Variants in CRY1 observed in about 807,000 individuals in gnomAD.
CRY1 encodes cryptochrome circadian regulator 1, also known as cryptochrome-1.
Under a neutral mutation model 76.0 loss-of-function variants are expected in CRY1, and 45 were observed. The ratio of observed to expected loss-of-function variants is 0.59; its 90% CI spans 0.47 to 0.76. The LOEUF (loss-of-function observed/expected upper bound fraction) is 0.76. Ranked by LOEUF, CRY1 falls within the 30% of genes least tolerant of loss-of-function variation. The pLI, the probability that CRY1 is intolerant of heterozygous loss-of-function variation, is 0.00. For missense variants in CRY1, 587 were observed against 716.4 expected, an observed-to-expected ratio of 0.82 and a Z score of 2.06; for synonymous variants, 248 against 244.0, an observed-to-expected ratio of 1.02 and a Z score of -0.15.
chr12:107,073,233 C>A (rs1260755429), intron 1 of CRY1, among the ~76,000 whole-genome samples: 1 of 150,756 alleles, frequency 6.6e-6, no homozygotes, highest in Non-Finnish European at 1.5e-5. Flanking sequence ...TTTTATTTCT[C>A]TCTCTCTCTC....
intron 7 of CRY1, 115 bp downstream of exon 7, chr12:106,999,436 T>C: frequency 1.1e-6 from 1 of 926,730 alleles, no homozygotes; most frequent in East Asian, 2.5e-5. Flanking sequence ...AAATGTTTTA[T>C]CCACTGAAAA....
intron 1 of CRY1, among the ~76,000 whole-genome samples, chr12:107,052,059 A>G (rs1308710622): frequency 1.3e-5 from 2 of 152,198 alleles, no homozygotes; most frequent in African/African-American, 4.8e-5. Context: ...CCTATGATAT[A>G]AATTGTAAAC....
chr12:107,069,584 AAAG>A (rs1394388852), intron 1 of CRY1, among the ~76,000 whole-genome samples: 6 of 41,002 alleles, frequency 1.5e-4, no homozygotes, highest in South Asian at 1.1e-3. Context: ...GTATATATAT[AAAG>A]TATATATATA....
rs145681556 is a variant in CRY1 at position 107,029,656 on chromosome 12, T to C, written c.159-7464A>G. Among the ~76,000 whole-genome samples the C allele has an allele frequency of 8.6e-5, 13 of 151,380 alleles. No individual in the cohort carries two copies. The East Asian group carries it at 2.1e-3, about 25-fold the overall frequency. On this transcript the variant is annotated intron_variant, in intron 1 of 12. Transcript: ENST00000008527. ...TCATTATGACAACTGAAAATTCCTCTACAAAATTTCTAAAATGTGTTTGAA... is the reference window on the plus strand; with the variant it reads ...TCATTATGACAACTGAAAATTCCTCCACAAAATTTCTAAAATGTGTTTGAA...
intron 1 of CRY1, among the ~76,000 whole-genome samples, chr12:107,059,301 G>C (rs1953021476): frequency 2.6e-5 from 4 of 152,196 alleles, no homozygotes; most frequent in African/African-American, 9.7e-5. Flanking sequence ...GCCCAGGCTG[G>C]AGTGCAGTAG....
intron 1 of CRY1, among the ~76,000 whole-genome samples, chr12:107,059,999 G>T (rs1317144660): frequency 6.6e-6 from 1 of 152,176 alleles, no homozygotes; most frequent in Non-Finnish European, 1.5e-5. Context: ...GGTAATCTGA[G>T]ATCAAATTTA....
intron 1 of CRY1, among the ~76,000 whole-genome samples, chr12:107,036,058 T>C (rs764290588): frequency 2.0e-5 from 3 of 152,242 alleles, no homozygotes; most frequent in African/African-American, 7.2e-5. Context: ...CCAGCTATTA[T>C]GACCTTGTGG....
intron 2 of CRY1, among the ~76,000 whole-genome samples, chr12:107,011,917 A>C (rs1952448527): frequency 6.6e-6 from 1 of 152,166 alleles, no homozygotes; most frequent in Admixed American, 6.5e-5. Context: ...CAGGCCAGGC[A>C]CTGTGGCTCA....
At chr12:106,997,238 T>C (rs1952242804) in intron 10 of CRY1, 56 bp downstream of exon 10, 12 of 1,400,630 alleles carry the variant, frequency 8.6e-6, no homozygotes, top group African/African-American at 1.4e-5. Flanking sequence ...ATAACAAATA[T>C]ATTTGTTTAA....
At chr12:107,006,387 A>T (rs532442517) in intron 2 of CRY1, among the ~76,000 whole-genome samples, 2 of 151,934 alleles carry the variant, frequency 1.3e-5, no homozygotes, top group East Asian at 1.9e-4. Flanking sequence ...AAAAAAAAAA[A>T]TTGCTATTAT....
intron 1 of CRY1, among the ~76,000 whole-genome samples, chr12:107,082,419 A>T (rs1953338495): frequency 6.6e-6 from 1 of 152,186 alleles, no homozygotes. Flanking sequence ...CATAGCACTT[A>T]TTCTAAAATT....
At chr12:107,041,192 GT>G (rs1952795058) in intron 1 of CRY1, among the ~76,000 whole-genome samples, 2 of 151,242 alleles carry the variant, frequency 1.3e-5, no homozygotes, top group African/African-American at 2.4e-5. Context: ...ACATTTGGGC[GT>G]TTACTCAGGA....
At chr12:106,996,339 T>C (rs1400045731) in intron 10 of CRY1, among the ~76,000 whole-genome samples, 3 of 152,252 alleles carry the variant, frequency 2.0e-5, no homozygotes, top group African/African-American at 7.2e-5. Context: ...TCATGGTACA[T>C]ATGTACCACA....
chr12:107,015,344 C>CT (rs3835384), intron 2 of CRY1, among the ~76,000 whole-genome samples: 1,909 of 145,316 alleles, frequency 0.013, 33 homozygotes, highest in African/African-American at 0.044. Flanking sequence ...CCTATCTACT[C>CT]TTTTTTTTTT....
chr12:107,001,945 G>A lies in CRY1; in HGVS notation c.414C>T (p.Ile138=), dbSNP rs777810612. 1.9e-6 allele frequency: 3 copies of A among 1,580,200 alleles called. No homozygotes were observed. In the Admixed American group the frequency reaches 5.9e-5, roughly 31 times the overall value. The change falls in exon 4 of 13, where the codon ATC becomes ATT. Residue 138 remains isoleucine (I), a synonymous_variant. Transcript: ENST00000008527. ...ISHTLYDLDK[I]IELNGGQPPL... is the part of the protein sequence containing the mutation. ...GCGGTTGTCCACCATTGAGTTCTATGATCCTATAACAAGAGTTAGTAAAAT... is the reference window on the plus strand; with the variant it reads ...GCGGTTGTCCACCATTGAGTTCTATAATCCTATAACAAGAGTTAGTAAAAT...
chr12:107,025,146 G>A (rs184968979), intron 1 of CRY1, among the ~76,000 whole-genome samples: 223 of 152,218 alleles, frequency 1.5e-3, no homozygotes, highest in Non-Finnish European at 9.6e-4. Flanking sequence ...ATATCTCCCC[G>A]TTAGGGAGTG....
intron 1 of CRY1, among the ~76,000 whole-genome samples, chr12:107,060,946 GC>G (rs1436193064): frequency 6.6e-6 from 1 of 152,094 alleles, no homozygotes; most frequent in Non-Finnish European, 1.5e-5. Context: ...CTGCACTCCA[GC>G]CTGGGTGACA....
chr12:107,064,487 A>G (rs929040308), intron 1 of CRY1, among the ~76,000 whole-genome samples: 4 of 152,224 alleles, frequency 2.6e-5, no homozygotes, highest in African/African-American at 9.6e-5. Context: ...ATATATAGTC[A>G]GTGAGAATGC....
At chr12:106,999,043 C>CAA (rs778236677) in intron 7 of CRY1, among the ~76,000 whole-genome samples, 31 of 52,478 alleles carry the variant, frequency 5.9e-4, no homozygotes, top group Admixed American at 7.8e-4. Context: ...GACTCCGTCT[C>CAA]AAAAAAAAAA....
Sources: allele counts gnomAD v4.1 joint callset (sites outside exome capture counted in the v4.1 genomes callset), GRCh38; gene constraint gnomAD v4.1.1; transcripts MANE v1.5; gene names NCBI Gene and HGNC (gene_info 2026-07-23, HGNC 2026-07-21).